The following PCDHA5 variants were observed in gnomAD, a reference collection of about 807,000 sequenced individuals.
PCDHA5 encodes the protein protocadherin alpha-5.
PCDHA5 carries 43 observed loss-of-function variants against 61.6 expected under a neutral mutation model. That is an observed-to-expected ratio of 0.70 (90% CI 0.55 to 0.90). The LOEUF is 0.90. Among genes scored for constraint, PCDHA5 ranks in the 40% least tolerant of loss-of-function variants. PCDHA5 has a pLI of 0.00. For synonymous variants in PCDHA5, 627 were observed against 543.9 expected (o/e 1.15, Z -2.13); for missense variants, 1,298 against 1,222.7 (o/e 1.06, Z -0.92).
At chr5:141,001,811 C>T (rs1200900455) in intron 3 of PCDHA5, among the ~76,000 whole-genome samples, 1 of 152,128 alleles carries the variant, frequency 6.6e-6, no homozygotes, top group Non-Finnish European at 1.5e-5. Flanking sequence ...ATTCTACAAT[C>T]GGCCAAATTC....
chr5:140,877,737 G>A, intron 1 of PCDHA5: 6 of 1,614,176 alleles, frequency 3.7e-6, no homozygotes, highest in Non-Finnish European at 5.1e-6. Flanking sequence ...AGCAGAGGAG[G>A]CAGAGGGTGT....
At chr5:140,918,313 T>C (rs1406314903) in intron 1 of PCDHA5, among the ~76,000 whole-genome samples, 3 of 152,146 alleles carry the variant, frequency 2.0e-5, no homozygotes, top group African/African-American at 7.2e-5. Context: ...GTTTTCTAGG[T>C]ATAAAATTAT....
At chr5:140,859,558 A>G (rs1554152480) in intron 1 of PCDHA5, 1 of 177,480 alleles carries the variant, frequency 5.6e-6, no homozygotes, top group African/African-American at 2.4e-5. Flanking sequence ...CCAAACACCA[A>G]TGCCATGAAT....
At chr5:140,947,949 AT>A (rs1326528139) in intron 1 of PCDHA5, among the ~76,000 whole-genome samples, 1 of 151,494 alleles carries the variant, frequency 6.6e-6, no homozygotes, top group African/African-American at 2.4e-5. Context: ...AGTGTTCCAT[AT>A]TTTACAATTA....
rs1434729447 is a variant in PCDHA5 at position 140,823,768 on chromosome 5, C to T, written c.1993C>T (p.Leu665=). Residue 665 remains leucine, a synonymous_variant, in exon 1 of 4, where the codon CTG becomes TTG. Coordinates refer to ENST00000529859, the MANE Select transcript of PCDHA5 (RefSeq NM_018908.3). ...EPPLTATATV[L]VSLVESGQAP... is the part of the protein sequence containing the mutation. ...CCCGCTGACAGCCACAGCCACAGTG[C>T]TGGTGTCGCTGGTGGAAAGTGGCCA... 5.0e-6 allele frequency: 8 copies of T among 1,613,736 alleles called. No individual in the cohort carries two copies. The highest frequency in any genetic ancestry group is 6.8e-6 in the Non-Finnish European group (8 of 1,179,934).
At chr5:140,991,629 T>C (rs1466263798) in intron 3 of PCDHA5, among the ~76,000 whole-genome samples, 5 of 152,208 alleles carry the variant, frequency 3.3e-5, no homozygotes, top group African/African-American at 1.2e-4. Context: ...ATATTTGTAA[T>C]AACAATCTGT....
At chr5:140,968,921 T>C (rs111394602) in intron 1 of PCDHA5, 34 of 1,614,098 alleles carry the variant, frequency 2.1e-5, no homozygotes, top group Non-Finnish European at 2.6e-5. Context: ...GTCTTTTATA[T>C]TTCTTTTGAC....
At chr5:140,955,720 T>C (rs921545021) in intron 1 of PCDHA5, among the ~76,000 whole-genome samples, 7 of 152,354 alleles carry the variant, frequency 4.6e-5, no homozygotes, top group East Asian at 1.9e-4. Flanking sequence ...AGGAATACCA[T>C]TGAATCTATA....
intron 1 of PCDHA5, chr5:140,868,023 T>C (rs2050243779): frequency 6.6e-6 from 1 of 152,096 alleles, no homozygotes; most frequent in Non-Finnish European, 1.5e-5. Flanking sequence ...AGGAAACCAA[T>C]GTTGGTGACT....
In PCDHA5 at chr5:140,928,040, GC is replaced by G. The variant is rs782389793; in HGVS notation, c.2353-50906del. The G allele has an allele frequency of 2.1e-4, 337 of 1,614,060 alleles. 1 individual carries two copies. Among genetic ancestry groups the G allele is most frequent in the Non-Finnish European group, 2.6e-4 (309 of 1,180,038 alleles). ...GTCATTTGTGGCATGTCTAGTGCAG[GC>G]CCTTTTCAGCTGACGGCTTCCTTTG... is the stretch of plus-strand genomic sequence containing the variant. On this transcript the variant is annotated intron_variant, in intron 1 of 3. Coordinates refer to ENST00000529859, the MANE Select transcript of PCDHA5 (RefSeq NM_018908.3).
chr5:140,827,875 C>T (rs538155297), intron 1 of PCDHA5: 1 of 643,830 alleles, frequency 1.6e-6, no homozygotes, highest in Non-Finnish European at 2.7e-6. Flanking sequence ...AGCACTGTTA[C>T]GTGAATTGAT....
intron 3 of PCDHA5, among the ~76,000 whole-genome samples, chr5:141,000,395 C>CTATA (rs1190667031): frequency 1.7e-4 from 9 of 53,980 alleles, no homozygotes; most frequent in Admixed American, 6.3e-4. Flanking sequence ...CTCTCTCTCT[C>CTATA]TATATATATA....
intron 1 of PCDHA5, chr5:140,929,943 A>C (rs996777609): frequency 1.3e-5 from 2 of 152,224 alleles, no homozygotes; most frequent in African/African-American, 4.8e-5. Flanking sequence ...TCTCTAGCCT[A>C]TACTTTTAAT....
chr5:140,876,620 G>A lies in PCDHA5; in HGVS notation c.2352+52493G>A, dbSNP rs782423759. The A allele has an allele frequency of 1.1e-5, 18 of 1,614,062 alleles. No homozygotes were observed. The highest frequency in any genetic ancestry group is 1.7e-5 in the Admixed American group (1 of 60,010). Reference sequence around the variant, plus strand: ...TCGGATCGTGACTCTGGAGCCAATGGACAGGTCATCTGCTCACTGACACCT... The same window carrying A: ...TCGGATCGTGACTCTGGAGCCAATGAACAGGTCATCTGCTCACTGACACCT... On this transcript the variant is annotated intron_variant, in intron 1 of 3. Coordinates refer to ENST00000529859, the MANE Select transcript of PCDHA5 (RefSeq NM_018908.3).
chr5:140,927,086 A>G (rs2083826085), intron 1 of PCDHA5: 5 of 1,612,296 alleles, frequency 3.1e-6, no homozygotes, highest in Non-Finnish European at 3.4e-6. Context: ...CGCGAGCTCT[A>G]CTTCGGGGTG....
At chr5:140,869,180 T>TG in intron 1 of PCDHA5, 1 of 1,613,322 alleles carries the variant, frequency 6.2e-7, no homozygotes. Context: ...TTCTGGGAGG[T>TG]GGGGAGCGGC....
intron 1 of PCDHA5, chr5:140,836,466 G>C (rs1554135989): frequency 1.2e-6 from 2 of 1,613,862 alleles, no homozygotes; most frequent in Non-Finnish European, 1.7e-6. Context: ...CGAGCTGGTG[G>C]ATGTCAACGT....
chr5:140,823,604 T>G lies in PCDHA5; in HGVS notation c.1829T>G (p.Leu610Arg). ...TACAACGCTTGGCTTTCGTATGAGC[T>G]GCAGCCAGCGCCTGGCAGTGCGCGC... is the stretch of plus-strand genomic sequence containing the variant. ...SGYNAWLSYELQPAPGSARIP... is the reference protein window; with the variant it reads ...SGYNAWLSYERQPAPGSARIP... Residue 610 changes from leucine (L) to arginine (R), a missense_variant, in exon 1 of 4, where the codon CTG (leucine) becomes CGG (arginine). Coordinates refer to ENST00000529859, the MANE Select transcript of PCDHA5 (RefSeq NM_018908.3). 9 of 1,613,998 alleles carry G rather than the reference T, an allele frequency of 5.6e-6. No individual in the cohort carries two copies. The highest frequency in any genetic ancestry group is 7.6e-6 in the Non-Finnish European group (9 of 1,179,928).
At chr5:140,966,539 T>C in intron 1 of PCDHA5, 1 of 462,182 alleles carries the variant, frequency 2.2e-6, no homozygotes, top group South Asian at 5.8e-5. Flanking sequence ...GTTGAGCGAC[T>C]CGGAGGCGAG....
Sources: gnomAD v4.1 joint callset for allele counts (sites outside exome capture counted in the v4.1 genomes callset) on GRCh38, gnomAD v4.1.1 for gene constraint, MANE v1.5 for transcripts, NCBI Gene and HGNC (gene_info 2026-07-23, HGNC 2026-07-21) for gene names.